EBF1: variants seen among roughly 807,000 people sequenced by gnomAD.
The protein encoded by EBF1 is transcription factor COE1.
In EBF1, 10 loss-of-function variants were observed where a neutral mutation model predicts 68.4. The ratio of observed to expected loss-of-function variants is 0.15; its 90% CI spans 0.09 to 0.25. The LOEUF is 0.25. Ranked by LOEUF, EBF1 falls within the 10% of genes least tolerant of loss-of-function variation. The pLI is 1.00. For missense variants in EBF1, 509 were observed against 794.4 expected (o/e 0.64, Z 4.32); for synonymous variants, 298 against 299.8 (o/e 0.99, Z 0.06).
intron 4 of EBF1, among the ~76,000 whole-genome samples, chr5:159,087,267 TAC>T (rs113914914): frequency 0.066 from 8,886 of 135,594 alleles, 683 homozygotes; most frequent in African/African-American, 0.18. Flanking sequence ...TATATATATA[TAC>T]ACACACACAT....
At chr5:158,757,381 C>A (rs1770361198) in intron 10 of EBF1, among the ~76,000 whole-genome samples, 1 of 152,102 alleles carries the variant, frequency 6.6e-6, no homozygotes, top group African/African-American at 2.4e-5. Context: ...TTACAAGAGT[C>A]ACTGAGGAAA....
At chr5:158,898,596 T>A (rs762317608) in intron 6 of EBF1, among the ~76,000 whole-genome samples, 35 of 152,236 alleles carry the variant, frequency 2.3e-4, no homozygotes, top group Non-Finnish European at 2.9e-4. Context: ...AAAACAATTG[T>A]TGGGTATAAA....
chr5:158,968,652 C>T (rs554661705), intron 6 of EBF1, among the ~76,000 whole-genome samples: 2 of 152,240 alleles, frequency 1.3e-5, no homozygotes, highest in African/African-American at 2.4e-5. Flanking sequence ...TTGGGAAGAA[C>T]ATACCACTGA....
chr5:159,095,471 A>T, intron 4 of EBF1, 149 bp downstream of exon 4: 1 of 793,008 alleles, frequency 1.3e-6, no homozygotes, highest in Non-Finnish European at 2.0e-6. Flanking sequence ...ATGAATGGAC[A>T]CTGGAAGGCC....
chr5:158,764,314 A>T (rs556376899), intron 10 of EBF1, among the ~76,000 whole-genome samples: 45 of 152,272 alleles, frequency 3.0e-4, no homozygotes, highest in African/African-American at 1.1e-3. Flanking sequence ...AATATCTACC[A>T]CTAACTGACA....
At chr5:158,790,107 G>A (rs1181589123) in intron 9 of EBF1, among the ~76,000 whole-genome samples, 3 of 152,132 alleles carry the variant, frequency 2.0e-5, no homozygotes, top group Admixed American at 2.0e-4. Context: ...GCATGCATCT[G>A]GATAAAGACA....
intron 11 of EBF1, among the ~76,000 whole-genome samples, chr5:158,723,925 C>A (rs567098547): frequency 6.6e-6 from 1 of 152,060 alleles, no homozygotes; most frequent in African/African-American, 2.4e-5. Flanking sequence ...ATGTTCATAA[C>A]GCACACATGC....
chr5:159,096,688 T>G (rs1584595440), intron 2 of EBF1: 1 of 604,630 alleles, frequency 1.7e-6, no homozygotes. Flanking sequence ...AGGCGGTGCG[T>G]AATCTGGTAG....
chr5:158,700,936 T>C (rs987689795), intron 15 of EBF1, among the ~76,000 whole-genome samples: 2 of 152,080 alleles, frequency 1.3e-5, no homozygotes, highest in South Asian at 2.1e-4. Context: ...CCCCCTAAGA[T>C]TCAAGTGAGC....
At chr5:158,775,278 TAA>T (rs1032132308) in intron 10 of EBF1, among the ~76,000 whole-genome samples, 4 of 152,152 alleles carry the variant, frequency 2.6e-5, no homozygotes, top group African/African-American at 9.6e-5. Flanking sequence ...CTTGAGAACT[TAA>T]GTAATTTAAT....
intron 6 of EBF1, among the ~76,000 whole-genome samples, chr5:158,928,980 A>C (rs954896794): frequency 1.3e-5 from 2 of 152,142 alleles, no homozygotes; most frequent in Admixed American, 6.5e-5. Context: ...CTCTTTTAAA[A>C]ATTTTTAAAT....
intron 5 of EBF1, among the ~76,000 whole-genome samples, chr5:159,076,413 T>A (rs1320226794): frequency 6.6e-6 from 1 of 152,278 alleles, no homozygotes; most frequent in East Asian, 1.9e-4. Context: ...ACACCAGGCC[T>A]GAGATTTTTC....
At chr5:159,072,058 G>C (rs1777884034) in intron 6 of EBF1, among the ~76,000 whole-genome samples, 1 of 152,186 alleles carries the variant, frequency 6.6e-6, no homozygotes. Context: ...ATCTGCTTTT[G>C]TAGATAAACA....
intron 6 of EBF1, among the ~76,000 whole-genome samples, chr5:158,857,063 C>G (rs554201784): frequency 6.6e-6 from 1 of 152,186 alleles, no homozygotes; most frequent in Non-Finnish European, 1.5e-5. Context: ...ACAAAACTAT[C>G]TTTGCCATCT....
At chr5:158,745,499 G>T (rs1020472996) in intron 10 of EBF1, among the ~76,000 whole-genome samples, 2 of 152,160 alleles carry the variant, frequency 1.3e-5, no homozygotes, top group African/African-American at 2.4e-5. Flanking sequence ...GACTCTTTGT[G>T]TCGTGTATCT....
intron 9 of EBF1, among the ~76,000 whole-genome samples, chr5:158,782,769 A>G (rs1287976402): frequency 2.0e-5 from 3 of 152,242 alleles, no homozygotes; most frequent in Non-Finnish European, 4.4e-5. Flanking sequence ...AAATTAGGCC[A>G]GAATTCTACT....
chr5:158,814,125 T>G (rs1783227381), intron 8 of EBF1, among the ~76,000 whole-genome samples: 1 of 152,172 alleles, frequency 6.6e-6, no homozygotes, highest in African/African-American at 2.4e-5. Context: ...GGGATGTAAT[T>G]GCTTAAGCCC....
intron 6 of EBF1, among the ~76,000 whole-genome samples, chr5:159,054,491 G>T (rs1357361977): frequency 6.6e-6 from 1 of 152,090 alleles, no homozygotes; most frequent in Non-Finnish European, 1.5e-5. Flanking sequence ...TCTGCACATA[G>T]AAAAAAATTT....
intron 6 of EBF1, among the ~76,000 whole-genome samples, chr5:158,938,833 A>G (rs1432754174): frequency 3.3e-5 from 5 of 152,232 alleles, no homozygotes; most frequent in African/African-American, 1.2e-4. Context: ...CTTTGAAATA[A>G]TGAATATTGG....
Sources: allele counts gnomAD v4.1 joint callset (sites outside exome capture counted in the v4.1 genomes callset), GRCh38; gene constraint gnomAD v4.1.1; transcripts MANE v1.5; gene names NCBI Gene and HGNC (gene_info 2026-07-23, HGNC 2026-07-21).